The following FBXL7 variants were observed in gnomAD, a reference collection of about 807,000 sequenced individuals.
The protein encoded by FBXL7 is F-box/LRR-repeat protein 7.
In FBXL7, 12 loss-of-function variants were observed where a neutral mutation model predicts 38.3. That is an observed-to-expected ratio of 0.31 (90% CI 0.20 to 0.51). The LOEUF (loss-of-function observed/expected upper bound fraction) is 0.51. FBXL7 is among the 20% of genes least tolerant of loss of function. The pLI, the probability that FBXL7 is intolerant of heterozygous loss-of-function variation, is 0.98. For synonymous variants in FBXL7, 297 were observed against 300.9 expected (o/e 0.99, Z 0.13); for missense variants, 567 against 676.4 (o/e 0.84, Z 1.79).
intron 1 of FBXL7, among the ~76,000 whole-genome samples, chr5:15,533,934 AC>A (rs1019534456): frequency 6.6e-6 from 1 of 152,146 alleles, no homozygotes; most frequent in Non-Finnish European, 1.5e-5. Context: ...TAAAGTGGGA[AC>A]AGCACCTTTT....
At chr5:15,859,290 C>A (rs1739370627) in intron 2 of FBXL7, among the ~76,000 whole-genome samples, 1 of 152,080 alleles carries the variant, frequency 6.6e-6, no homozygotes. Flanking sequence ...CATGATTACC[C>A]CAGTTGAGAT....
chr5:15,841,663 G>A (rs1157362875), intron 2 of FBXL7, among the ~76,000 whole-genome samples: 1 of 152,146 alleles, frequency 6.6e-6, no homozygotes, highest in Non-Finnish European at 1.5e-5. Flanking sequence ...AGGGAAAAAT[G>A]GTTTCCTGGG....
chr5:15,615,155 T>C (rs1424747708), intron 1 of FBXL7, among the ~76,000 whole-genome samples: 1 of 152,186 alleles, frequency 6.6e-6, no homozygotes, highest in Non-Finnish European at 1.5e-5. Context: ...TCATGTGACA[T>C]CTGAAGAATG....
At chr5:15,702,224 G>C (rs951432514) in intron 2 of FBXL7, among the ~76,000 whole-genome samples, 1 of 131,452 alleles carries the variant, frequency 7.6e-6, no homozygotes, top group Non-Finnish European at 1.6e-5. Flanking sequence ...GAAACAAAGC[G>C]AGACTCCTCT....
intron 2 of FBXL7, among the ~76,000 whole-genome samples, chr5:15,887,423 C>T (rs987584527): frequency 6.6e-6 from 1 of 152,156 alleles, no homozygotes; most frequent in Non-Finnish European, 1.5e-5. Flanking sequence ...AAATTGAATT[C>T]CCCTACATGT....
At chr5:15,796,812 G>A (rs1244629340) in intron 2 of FBXL7, among the ~76,000 whole-genome samples, 1 of 152,136 alleles carries the variant, frequency 6.6e-6, no homozygotes. Context: ...TATTGATTAG[G>A]TTGGCCAAGT....
chr5:15,786,759 T>C (rs1315948161), intron 2 of FBXL7, among the ~76,000 whole-genome samples: 1 of 152,180 alleles, frequency 6.6e-6, no homozygotes, highest in East Asian at 1.9e-4. Context: ...GACTTACAGG[T>C]ACGGGTGGAT....
chr5:15,890,583 C>T (rs527251247), intron 2 of FBXL7, among the ~76,000 whole-genome samples: 40 of 152,218 alleles, frequency 2.6e-4, no homozygotes, highest in African/African-American at 9.4e-4. Context: ...TTGTGAACTG[C>T]GCATGCAACG....
intron 2 of FBXL7, among the ~76,000 whole-genome samples, chr5:15,803,648 C>T (rs187705): frequency 0.53 from 80,519 of 151,540 alleles, 22,708 homozygotes; most frequent in Non-Finnish European, 0.64. Context: ...ATGCAACCCC[C>T]GATGTAAAAA....
intron 2 of FBXL7, among the ~76,000 whole-genome samples, chr5:15,646,203 G>C (rs1741529544): frequency 6.6e-6 from 1 of 152,156 alleles, no homozygotes; most frequent in South Asian, 2.1e-4. Flanking sequence ...TATAATAATA[G>C]TTAATACATA....
chr5:15,821,808 C>A (rs1212112821), intron 2 of FBXL7, among the ~76,000 whole-genome samples: 1 of 152,192 alleles, frequency 6.6e-6, no homozygotes, highest in East Asian at 1.9e-4. Flanking sequence ...AGGGACTTTT[C>A]TGAGCTGTTG....
intron 2 of FBXL7, among the ~76,000 whole-genome samples, chr5:15,875,799 C>T (rs147341264): frequency 0.014 from 2,203 of 152,118 alleles, 64 homozygotes; most frequent in African/African-American, 0.05. Flanking sequence ...TTTACACTGA[C>T]GGTGGGAGTG....
intron 2 of FBXL7, among the ~76,000 whole-genome samples, chr5:15,708,732 A>G (rs975039870): frequency 4.9e-4 from 75 of 152,190 alleles, no homozygotes; most frequent in African/African-American, 1.7e-3. Context: ...TCTCAGTTCT[A>G]TTTGCTTGAA....
chr5:15,657,124 A>G (rs1486973141), intron 2 of FBXL7, among the ~76,000 whole-genome samples: 1 of 152,226 alleles, frequency 6.6e-6, no homozygotes, highest in Admixed American at 6.5e-5. Context: ...GGATAGGAAA[A>G]CTTAATGTTA....
chr5:15,710,767 G>C (rs1193293372), intron 2 of FBXL7, among the ~76,000 whole-genome samples: 3 of 152,164 alleles, frequency 2.0e-5, no homozygotes, highest in Non-Finnish European at 2.9e-5. Flanking sequence ...CCACAAACTG[G>C]GTGGCTTAAA....
At chr5:15,919,039 T>C (rs1329473315) in intron 2 of FBXL7, among the ~76,000 whole-genome samples, 1 of 152,196 alleles carries the variant, frequency 6.6e-6, no homozygotes, top group Non-Finnish European at 1.5e-5. Context: ...CTTTTCTCAC[T>C]AGCTAGGTTT....
intron 2 of FBXL7, among the ~76,000 whole-genome samples, chr5:15,737,706 A>G (rs1247987196): frequency 6.6e-6 from 1 of 152,222 alleles, no homozygotes; most frequent in Non-Finnish European, 1.5e-5. Context: ...ATACATTTTT[A>G]TCACTTTGTC....
At chr5:15,825,043 T>C (rs1738273950) in intron 2 of FBXL7, among the ~76,000 whole-genome samples, 3 of 152,226 alleles carry the variant, frequency 2.0e-5, no homozygotes, top group Admixed American at 1.3e-4. Flanking sequence ...ACATGAGATA[T>C]TATAAACTCA....
chr5:15,587,419 A>G (rs1739337160), intron 1 of FBXL7, among the ~76,000 whole-genome samples: 1 of 152,212 alleles, frequency 6.6e-6, no homozygotes, highest in South Asian at 2.1e-4. Flanking sequence ...ATTGAGTAGT[A>G]TCCTATGCAT....
Sources: gnomAD v4.1 joint callset for allele counts (sites outside exome capture counted in the v4.1 genomes callset) on GRCh38, gnomAD v4.1.1 for gene constraint, MANE v1.5 for transcripts, NCBI Gene and HGNC (gene_info 2026-07-23, HGNC 2026-07-21) for gene names.